The following CYRIB variants were observed in gnomAD, a reference collection of about 807,000 sequenced individuals.
CYRIB encodes CYFIP related Rac1 interactor B.
Under a neutral mutation model 44.2 loss-of-function variants are expected in CYRIB, and 8 were observed. The observed-to-expected ratio is 0.18, with a 90% confidence interval of 0.11 to 0.33. CYRIB has a LOEUF of 0.33. CYRIB is among the 10% of genes least tolerant of loss of function. The pLI is 1.00. For synonymous variants in CYRIB, 131 were observed against 127.2 expected (o/e 1.03, Z -0.20); for missense variants, 185 against 382.8 (o/e 0.48, Z 4.31).
At chr8:129,998,136 A>C (rs1219226490) in intron 1 of CYRIB, among the ~76,000 whole-genome samples, 3 of 150,832 alleles carry the variant, frequency 2.0e-5, no homozygotes, top group Non-Finnish European at 2.9e-5. Context: ...AAAAAAAAAA[A>C]AACAAAAAAA....
chr8:130,014,420 G>A (rs138424048), intron 1 of CYRIB, among the ~76,000 whole-genome samples: 12 of 152,258 alleles, frequency 7.9e-5, no homozygotes, highest in African/African-American at 2.2e-4. Context: ...TCAGCAATGC[G>A]TGAGACCCTG....
intron 1 of CYRIB, among the ~76,000 whole-genome samples, chr8:129,925,575 C>G (rs1349317308): frequency 6.6e-6 from 1 of 152,144 alleles, no homozygotes. Context: ...CATGTGGTCT[C>G]ACTTCTCTCA....
At chr8:129,905,971 C>T (rs1589306587) in intron 1 of CYRIB, among the ~76,000 whole-genome samples, 1 of 152,146 alleles carries the variant, frequency 6.6e-6, no homozygotes, top group Non-Finnish European at 1.5e-5. Context: ...AATGGAAGAA[C>T]ATTCCATGCT....
At chr8:129,964,748 G>T (rs1459322395) in intron 2 of CYRIB, among the ~76,000 whole-genome samples, 1 of 152,186 alleles carries the variant, frequency 6.6e-6, no homozygotes, top group Admixed American at 6.5e-5. Context: ...GCCAGGCGTG[G>T]TGGCACATGC....
At chr8:129,991,133 G>GAAAA (rs35682865) in intron 1 of CYRIB, among the ~76,000 whole-genome samples, 2 of 67,744 alleles carry the variant, frequency 3.0e-5, no homozygotes, top group Non-Finnish European at 5.8e-5. Context: ...CTCTGTCTCA[G>GAAAA]AAAAAAAAAA....
intron 1 of CYRIB, among the ~76,000 whole-genome samples, chr8:129,932,672 A>C (rs1234708616): frequency 6.6e-6 from 1 of 152,200 alleles, no homozygotes; most frequent in East Asian, 1.9e-4. Context: ...ATAATTTATT[A>C]GCTTGCAAGT....
chr8:129,983,825 G>T (rs1236815804), intron 1 of CYRIB, among the ~76,000 whole-genome samples: 1 of 152,360 alleles, frequency 6.6e-6, no homozygotes, highest in East Asian at 1.9e-4. Context: ...CCTCCCGCTG[G>T]GTGCGGAACC....
chr8:129,938,165 G>C (rs2093147834), intron 1 of CYRIB, among the ~76,000 whole-genome samples: 1 of 152,086 alleles, frequency 6.6e-6, no homozygotes, highest in East Asian at 1.9e-4. Flanking sequence ...ATGCTGATTA[G>C]GGAGTTTCAG....
intron 1 of CYRIB, among the ~76,000 whole-genome samples, chr8:129,927,639 C>T (rs1251625547): frequency 6.6e-6 from 1 of 152,134 alleles, no homozygotes; most frequent in Admixed American, 6.5e-5. Flanking sequence ...AAGATGGTCA[C>T]CAAAACAGCG....
At chr8:129,862,873 C>T (rs2050680167) in intron 4 of CYRIB, among the ~76,000 whole-genome samples, 1 of 152,166 alleles carries the variant, frequency 6.6e-6, no homozygotes. Context: ...TCCATAGATA[C>T]TTCAACCTTA....
chr8:129,971,593 G>A (rs1018368577), intron 1 of CYRIB, among the ~76,000 whole-genome samples: 14 of 152,234 alleles, frequency 9.2e-5, no homozygotes, highest in African/African-American at 3.4e-4. Context: ...GCTGGACTGT[G>A]TTGTCCTTAG....
At chr8:129,969,276 A>T (rs1728553741) in intron 2 of CYRIB, among the ~76,000 whole-genome samples, 1 of 152,122 alleles carries the variant, frequency 6.6e-6, no homozygotes, top group African/African-American at 2.4e-5. Flanking sequence ...GGCCTCCCAA[A>T]GTGCTAGGAT....
At chr8:130,006,153 A>C (rs2097056475) in intron 1 of CYRIB, among the ~76,000 whole-genome samples, 1 of 151,714 alleles carries the variant, frequency 6.6e-6, no homozygotes, top group Non-Finnish European at 1.5e-5. Flanking sequence ...AAATACAAAA[A>C]TTAGCCGGGC....
intron 2 of CYRIB, among the ~76,000 whole-genome samples, chr8:129,900,401 C>A (rs556883810): frequency 1.3e-5 from 2 of 152,272 alleles, no homozygotes; most frequent in South Asian, 4.1e-4. Context: ...CAAACTTTAA[C>A]AGACCTGACA....
At chr8:129,936,200 C>A (rs574185621) in intron 1 of CYRIB, among the ~76,000 whole-genome samples, 4 of 152,112 alleles carry the variant, frequency 2.6e-5, no homozygotes, top group African/African-American at 9.7e-5. Flanking sequence ...TTTAAGTAAA[C>A]GTGATGGGTT....
chr8:129,942,200 G>A (rs762391620), upstream of CYRIB, among the ~76,000 whole-genome samples: 7 of 152,144 alleles, frequency 4.6e-5, no homozygotes, highest in South Asian at 6.2e-4. Flanking sequence ...TTAGCTGGGC[G>A]TGGTGGCAGG....
intron 1 of CYRIB, among the ~76,000 whole-genome samples, chr8:129,908,516 A>C (rs2076551194): frequency 6.6e-6 from 1 of 152,214 alleles, no homozygotes; most frequent in African/African-American, 2.4e-5. Flanking sequence ...TTATCTATGC[A>C]TCCTTTTCCT....
At chr8:130,008,614 ATC>A in intron 1 of CYRIB, among the ~76,000 whole-genome samples, 1 of 152,322 alleles carries the variant, frequency 6.6e-6, no homozygotes, top group South Asian at 2.1e-4. Context: ...GGCAGGATGA[ATC>A]TCACTCCTCC....
chr8:129,909,062 G>T (rs1008670301), intron 1 of CYRIB, among the ~76,000 whole-genome samples: 2 of 152,094 alleles, frequency 1.3e-5, no homozygotes, highest in Non-Finnish European at 2.9e-5. Context: ...AAAGTGCTGG[G>T]ATCACAGGCA....
Sources: gnomAD v4.1 joint callset for allele counts (sites outside exome capture counted in the v4.1 genomes callset) on GRCh38, gnomAD v4.1.1 for gene constraint, MANE v1.5 for transcripts, NCBI Gene and HGNC (gene_info 2026-07-23, HGNC 2026-07-21) for gene names.